KIAA0319: variants seen among roughly 807,000 people sequenced by gnomAD.
The protein encoded by KIAA0319 is dyslexia-associated protein KIAA0319.
A neutral mutation model predicts 108.4 loss-of-function variants in KIAA0319; 83 were observed. That is an observed-to-expected ratio of 0.77 (90% CI 0.64 to 0.92). KIAA0319 has a LOEUF of 0.92. KIAA0319 is among the 40% of genes least tolerant of loss of function. The probability of loss-of-function intolerance (pLI) is 0.00; values close to 1 mark genes in which losing one functional copy is unlikely to be tolerated. For missense variants in KIAA0319, 1,195 were observed against 1,322.4 expected (o/e 0.90, Z 1.49); for synonymous variants, 484 against 510.4 (o/e 0.95, Z 0.70).
chr6:24,601,770 T>C (rs1770657374), intron 1 of KIAA0319, among the ~76,000 whole-genome samples: 2 of 152,204 alleles, frequency 1.3e-5, no homozygotes, highest in Admixed American at 6.5e-5. Flanking sequence ...TCGAGGCTGA[T>C]TGTTACAGAA....
At chr6:24,634,717 A>G (rs1458918678) in intron 1 of KIAA0319, among the ~76,000 whole-genome samples, 3 of 152,250 alleles carry the variant, frequency 2.0e-5, no homozygotes, top group Admixed American at 6.5e-5. Context: ...CGGTCATATG[A>G]GCTGTAAACC....
At chr6:24,577,953 G>A (rs1396552598) in intron 9 of KIAA0319, among the ~76,000 whole-genome samples, 157 bp downstream of exon 9, 4 of 152,154 alleles carry the variant, frequency 2.6e-5, no homozygotes, top group Non-Finnish European at 5.9e-5. Context: ...TAATTGATGA[G>A]GATATCAGAG....
chr6:24,556,657 C>T lies in KIAA0319; in HGVS notation c.2807G>A (p.Trp936Ter). Residue 936 changes from tryptophan (W) to a stop codon, truncating the protein, a stop_gained, in exon 18 of 21, where the codon TGG becomes TAG. Coordinates refer to ENST00000378214, the MANE Select transcript of KIAA0319 (RefSeq NM_014809.4). LOFTEE classifies it high-confidence loss of function. ...LTKRCICSHLWMENLIQRYIW... is the reference protein window; with the variant it reads ...LTKRCICSHL Reference sequence around the variant, plus strand: ...ATAACGCTGTATAAGGTTCTCCATCCATAAGTGAGAGCAAATGCAGCGCTT... The same window carrying T: ...ATAACGCTGTATAAGGTTCTCCATCTATAAGTGAGAGCAAATGCAGCGCTT... 6.2e-7 allele frequency: 1 copy of T among 1,614,018 alleles called. No individual in the cohort carries two copies. Among genetic ancestry groups the T allele is most frequent in the Non-Finnish European group, 8.5e-7 (1 of 1,179,970 alleles).
At chr6:24,543,072 G>C (rs1360988137), downstream of KIAA0319, among the ~76,000 whole-genome samples, 1 of 152,182 alleles carries the variant, frequency 6.6e-6, no homozygotes, top group African/African-American at 2.4e-5. Context: ...CCATAACTCT[G>C]TGGTTTGGAA....
chr6:24,623,290 G>T (rs76584699), intron 1 of KIAA0319, among the ~76,000 whole-genome samples: 11,594 of 152,038 alleles, frequency 0.076, 1,344 homozygotes, highest in East Asian at 0.46. Flanking sequence ...ATGTTAGAAG[G>T]CATAGGGGAG....
chr6:24,602,272 C>T (rs1190387119), intron 1 of KIAA0319, among the ~76,000 whole-genome samples: 3 of 152,200 alleles, frequency 2.0e-5, no homozygotes, highest in Non-Finnish European at 4.4e-5. Context: ...CCGTCTTGGC[C>T]TCTCAACGAT....
rs1774781801 is a variant in KIAA0319 at position 24,626,790 on chromosome 6, C to T, written c.-106+18946G>A. ...CCAGTGGAAGGGCCACATAAATTGT[C>T]CCAAGATACCCAAGGAATTTTGAGG... is the stretch of plus-strand genomic sequence containing the variant. On this transcript the variant is annotated intron_variant, in intron 1 of 20. Transcript: ENST00000378214. Among the ~76,000 whole-genome samples, 3 of 152,074 alleles carry T rather than the reference C, an allele frequency of 2.0e-5. 1 individual carries two copies. Among genetic ancestry groups the T allele is most frequent in the South Asian group, 4.1e-4 (2 of 4,822 alleles).
chr6:24,581,830 A>G (rs1261390248), intron 6 of KIAA0319, among the ~76,000 whole-genome samples: 2 of 152,148 alleles, frequency 1.3e-5, no homozygotes, highest in African/African-American at 2.4e-5. Context: ...TTCATATCCT[A>G]CTTTTGATCT....
chr6:24,570,015 C>T lies in KIAA0319; in HGVS notation c.1879G>A (p.Ala627Thr), dbSNP rs1764464294. 1.9e-6 allele frequency: 3 copies of T among 1,614,062 alleles called. No individual in the cohort carries two copies. Among genetic ancestry groups the T allele is most frequent in the Non-Finnish European group, 2.5e-6 (3 of 1,179,966 alleles). The change falls in exon 12 of 21, where the codon GCT (alanine) becomes ACT (threonine). Residue 627 changes from alanine (A) to threonine (T), a missense_variant. Coordinates refer to ENST00000378214, the MANE Select transcript of KIAA0319 (RefSeq NM_014809.4). ...VQPENNRPPV[A>T]VAGPDKELIF... ...AGCTCTTTATCAGGGCCGGCCACAG[C>T]CACTGGAGGTCTATTGTTTTCTGGA...
Position 24,561,845 on chromosome 6 carries a change from G to T in KIAA0319, c.2591+1514C>A, listed in dbSNP as rs536112103. 3.9e-5 allele frequency among the ~76,000 whole-genome samples: 6 copies of T among 152,284 alleles called. No individual in the cohort carries two copies. In the East Asian group the frequency reaches 1.2e-3, roughly 29 times the overall value. On this transcript the variant is annotated intron_variant, in intron 16 of 20. Transcript: ENST00000378214. ...AGCCTCTTGAGTAGCTGGAATTACAGGTACCTGCCACCACACCCAGCTAAT... is the reference window on the plus strand; with the variant it reads ...AGCCTCTTGAGTAGCTGGAATTACATGTACCTGCCACCACACCCAGCTAAT...
rs1029114353 is a variant in KIAA0319, at chr6:24,596,073, C to T, written c.601G>A (p.Asp201Asn). 4 of 1,614,032 alleles carry T rather than the reference C, an allele frequency of 2.5e-6. No homozygotes were observed. The highest frequency in any genetic ancestry group is 3.4e-6 in the Non-Finnish European group (4 of 1,179,930). Residue 201 changes from aspartate (D) to asparagine (N), a missense_variant, in exon 3 of 21, where the codon GAC becomes AAC. Coordinates refer to ENST00000378214, the MANE Select transcript of KIAA0319 (RefSeq NM_014809.4). The stretch of plus-strand genomic sequence containing the variant: ...GTCTCCGCTGGCACCGCAGGACTGT[C>T]TCCAACAGAGGAGTTGAAGGCCCCC... ...SEGAFNSSVG[D>N]SPAVPAETQQ...
downstream of KIAA0319, among the ~76,000 whole-genome samples, chr6:24,540,168 A>G (rs1160260883): frequency 2.6e-5 from 4 of 152,186 alleles, no homozygotes; most frequent in Admixed American, 1.3e-4. Flanking sequence ...GTACACTGTA[A>G]AATAACAATG....
At chr6:24,576,268 A>C in intron 10 of KIAA0319, 100 bp downstream of exon 10, 1 of 903,510 alleles carries the variant, frequency 1.1e-6, no homozygotes, top group Non-Finnish European at 1.8e-6. Flanking sequence ...TTTACAAAAT[A>C]AATTATCTAA....
In KIAA0319 at chr6:24,599,047, TC is replaced by T; in HGVS notation, c.55+2001del. The T allele has an allele frequency of 1.4e-6, 1 of 737,986 alleles. No individual in the cohort carries two copies. The highest frequency in any genetic ancestry group is 2.4e-6 in the Non-Finnish European group (1 of 415,024). 45.7% of individuals were successfully genotyped at this position (737,986 alleles called of 1,614,324 possible). Reference sequence around the variant, plus strand: ...CTCAGGCAGCTGTATGAAGAGGAGATCCAGGAGCTGCAGTCCCAGATCTGGG... The same window carrying T: ...CTCAGGCAGCTGTATGAAGAGGAGATCAGGAGCTGCAGTCCCAGATCTGGG... On this transcript the variant is annotated intron_variant, in intron 2 of 20. Transcript: ENST00000378214. The surrounding 1 kb of genome is among the most constrained non-coding windows in gnomAD (Gnocchi z 4.1).
chr6:24,599,352 A>C lies in KIAA0319; in HGVS notation c.55+1697T>G. On this transcript the variant is annotated intron_variant, in intron 2 of 20. Coordinates refer to ENST00000378214, the MANE Select transcript of KIAA0319 (RefSeq NM_014809.4). This position sits in a 1 kb window ranked among gnomAD's most constrained non-coding sequence, Gnocchi z 4.1. ...AGGCTAGAGGGCTTCCCTAGAGGCCACCATTGTGGATGCGGAGAAGCGTGG... is the reference window on the plus strand; with the variant it reads ...AGGCTAGAGGGCTTCCCTAGAGGCCCCCATTGTGGATGCGGAGAAGCGTGG... The C allele has an allele frequency of 1.9e-6, 1 of 522,742 alleles. No individual in the cohort carries two copies. Among genetic ancestry groups the C allele is most frequent in the Non-Finnish European group, 3.6e-6 (1 of 275,828 alleles). The allele number at this position is 522,742 out of a possible 1,614,324, so 32.4% of individuals were successfully genotyped here.
At chr6:24,622,178 T>C (rs1191186695) in intron 1 of KIAA0319, among the ~76,000 whole-genome samples, 3 of 152,104 alleles carry the variant, frequency 2.0e-5, no homozygotes, top group Non-Finnish European at 2.9e-5. Context: ...CTCCCACTCA[T>C]GCACTCAGAT....
chr6:24,610,980 CAAAA>C (rs1207098629), intron 1 of KIAA0319, among the ~76,000 whole-genome samples: 3 of 151,750 alleles, frequency 2.0e-5, no homozygotes, highest in African/African-American at 4.8e-5. Context: ...AACAAACAAA[CAAAA>C]AAACCCAAAA....
intron 1 of KIAA0319, among the ~76,000 whole-genome samples, chr6:24,608,993 GGCTCACGCCTGTGAGCCAACC>G (rs1043374840): frequency 1.4e-5 from 2 of 147,724 alleles, no homozygotes; most frequent in African/African-American, 5.0e-5. Flanking sequence ...CAGGTGCAGG[GGCTCACGCCTGTGAGCCAACC>G]GCTCACAGTT....
At chr6:24,563,944 A>T (rs1003857101) in intron 15 of KIAA0319, among the ~76,000 whole-genome samples, 3 of 152,042 alleles carry the variant, frequency 2.0e-5, no homozygotes, top group African/African-American at 7.2e-5. Context: ...CTTCACATTA[A>T]GTCTTTGTCT....
Sources: gnomAD v4.1 joint callset for allele counts (sites outside exome capture counted in the v4.1 genomes callset) on GRCh38, gnomAD v4.1.1 for gene constraint, Gnocchi (gnomAD v3.1) non-coding constraint, MANE v1.5 for transcripts, NCBI Gene and HGNC (gene_info 2026-07-23, HGNC 2026-07-21) for gene names.